MTUS2: variants seen among roughly 807,000 people sequenced by gnomAD.
The protein encoded by MTUS2 is microtubule-associated tumor suppressor candidate 2.
A neutral mutation model predicts 114.1 loss-of-function variants in MTUS2; 40 were observed. The observed-to-expected ratio is 0.35, with a 90% CI of 0.27 to 0.46. The LOEUF is 0.46. Ranked by LOEUF, MTUS2 falls within the 20% of genes least tolerant of loss-of-function variation. MTUS2 has a pLI of 1.00. For synonymous variants in MTUS2, 688 were observed against 672.0 expected (o/e 1.02, Z -0.37); for missense variants, 1,679 against 1,705.4 (o/e 0.98, Z 0.27).
chr13:29,033,595 T>C (rs1324665886), intron 3 of MTUS2, among the ~76,000 whole-genome samples: 2 of 152,180 alleles, frequency 1.3e-5, no homozygotes, highest in Non-Finnish European at 2.9e-5. Flanking sequence ...ACTCAGATTC[T>C]AGTGATTTTG....
intron 2 of MTUS2, among the ~76,000 whole-genome samples, chr13:28,863,681 ATTAAT>A (rs1877129561): frequency 6.6e-6 from 1 of 152,186 alleles, no homozygotes; most frequent in African/African-American, 2.4e-5. Flanking sequence ...TATTTTAAAA[ATTAAT>A]TTATATTTTT....
chr13:29,391,698 A>G (rs999519433), intron 8 of MTUS2, among the ~76,000 whole-genome samples: 5 of 151,940 alleles, frequency 3.3e-5, no homozygotes, highest in Non-Finnish European at 5.9e-5. Context: ...AATAAATGAT[A>G]AAATAAGTAA....
chr13:29,257,580 G>T (rs1656433586), intron 5 of MTUS2, among the ~76,000 whole-genome samples: 1 of 152,144 alleles, frequency 6.6e-6, no homozygotes, highest in Non-Finnish European at 1.5e-5. Flanking sequence ...GATCTTAAAA[G>T]GAGTTTGGAT....
At chr13:28,978,984 C>G (rs1372028193) in intron 2 of MTUS2, among the ~76,000 whole-genome samples, 1 of 152,220 alleles carries the variant, frequency 6.6e-6, no homozygotes, top group Non-Finnish European at 1.5e-5. Context: ...TTGTGGAAAG[C>G]AGCCCCGTGG....
At chr13:29,387,034 G>A (rs1342465115) in intron 8 of MTUS2, among the ~76,000 whole-genome samples, 2 of 152,244 alleles carry the variant, frequency 1.3e-5, no homozygotes, top group African/African-American at 4.8e-5. Context: ...TCTTTACTTA[G>A]TGCTTACTAT....
intron 4 of MTUS2, among the ~76,000 whole-genome samples, chr13:29,052,305 A>G (rs1887932958): frequency 6.6e-6 from 1 of 151,986 alleles, no homozygotes; most frequent in Non-Finnish European, 1.5e-5. Context: ...AACATGGCAA[A>G]AACCCGTCTC....
chr13:29,294,642 A>C (rs551520243), intron 6 of MTUS2, among the ~76,000 whole-genome samples: 1 of 152,354 alleles, frequency 6.6e-6, no homozygotes, highest in East Asian at 1.9e-4. Flanking sequence ...GGCAAAGTTC[A>C]AATGAAACAA....
chr13:29,502,543 G>A (rs1374042608), intron 15 of MTUS2, among the ~76,000 whole-genome samples: 2 of 152,216 alleles, frequency 1.3e-5, no homozygotes, highest in Non-Finnish European at 2.9e-5. Flanking sequence ...CTGGGGCAGG[G>A]AGGCCAGGAG....
chr13:28,856,338 A>C (rs1278449893), intron 2 of MTUS2, among the ~76,000 whole-genome samples: 1 of 152,172 alleles, frequency 6.6e-6, no homozygotes, highest in Non-Finnish European at 1.5e-5. Context: ...GAAGTCCCAG[A>C]TTGTGCATAA....
intron 9 of MTUS2, among the ~76,000 whole-genome samples, chr13:29,474,184 A>G (rs2138859041): frequency 1.3e-5 from 2 of 152,288 alleles, no homozygotes; most frequent in East Asian, 3.9e-4. Context: ...TTACTTTGCC[A>G]CTTTATAGAC....
At chr13:29,163,501 C>T (rs747871228) in intron 5 of MTUS2, among the ~76,000 whole-genome samples, 1 of 152,092 alleles carries the variant, frequency 6.6e-6, no homozygotes, top group African/African-American at 2.4e-5. Flanking sequence ...GCCTCATGTT[C>T]CATCATGGGT....
intron 5 of MTUS2, among the ~76,000 whole-genome samples, chr13:29,136,752 A>C (rs1031575047): frequency 6.6e-6 from 1 of 152,098 alleles, no homozygotes; most frequent in African/African-American, 2.4e-5. Context: ...TATTTTTTGT[A>C]CTGAGTTTTG....
chr13:29,342,786 G>T (rs542007528), intron 7 of MTUS2, among the ~76,000 whole-genome samples: 16 of 151,890 alleles, frequency 1.1e-4, no homozygotes, highest in African/African-American at 3.9e-4. Context: ...TATAATGTTG[G>T]CTGTGGGATT....
At position 29,338,098 on chromosome 13, in the gene MTUS2, G is replaced by A. The variant is rs557213849; in HGVS notation, c.2905+13387G>A. Among the ~76,000 whole-genome samples, 3 of 151,604 alleles carry A rather than the reference G, an allele frequency of 2.0e-5. No homozygotes were observed. In the South Asian group the frequency reaches 6.3e-4, roughly 32 times the overall value. ...TGAGCCACTGTGCCTGGCCATGACC[G>A]GACCATCTTGCCAGCCACCCTACCT... On this transcript the variant is annotated intron_variant, in intron 7 of 15. Coordinates refer to ENST00000612955, the MANE Select transcript of MTUS2 (RefSeq NM_001033602.4).
intron 2 of MTUS2, among the ~76,000 whole-genome samples, chr13:28,910,257 C>G (rs981159780): frequency 1.3e-5 from 2 of 152,134 alleles, no homozygotes; most frequent in Admixed American, 6.6e-5. Flanking sequence ...TTTTAGCTCC[C>G]ACAAATAAGC....
intron 2 of MTUS2, among the ~76,000 whole-genome samples, chr13:28,872,390 A>G (rs1232687778): frequency 2.0e-5 from 3 of 152,202 alleles, no homozygotes; most frequent in African/African-American, 7.2e-5. Flanking sequence ...GGAAAAAACC[A>G]AAAGATTTGT....
intron 4 of MTUS2, among the ~76,000 whole-genome samples, chr13:29,081,682 G>T (rs1889449570): frequency 6.6e-6 from 1 of 151,866 alleles, no homozygotes; most frequent in African/African-American, 2.4e-5. Context: ...TTATATTGTG[G>T]CTTGGGCATG....
At chr13:29,088,026 T>G (rs1889770318) in intron 4 of MTUS2, among the ~76,000 whole-genome samples, 1 of 143,998 alleles carries the variant, frequency 6.9e-6, no homozygotes, top group African/African-American at 2.7e-5. Flanking sequence ...GCCACTGCAC[T>G]CCAGCCTGGG....
intron 9 of MTUS2, among the ~76,000 whole-genome samples, chr13:29,464,104 T>A (rs1448160652): frequency 6.6e-6 from 1 of 152,174 alleles, no homozygotes; most frequent in Admixed American, 6.5e-5. Flanking sequence ...GTGGACAGGA[T>A]CTGAAGGTTG....
Sources: gnomAD v4.1 joint callset for allele counts (sites outside exome capture counted in the v4.1 genomes callset) on GRCh38, gnomAD v4.1.1 for gene constraint, MANE v1.5 for transcripts, NCBI Gene and HGNC (gene_info 2026-07-23, HGNC 2026-07-21) for gene names.